SORCS1: variants seen among roughly 807,000 people sequenced by gnomAD.
SORCS1 encodes the protein sortilin related VPS10 domain containing receptor 1.
A neutral mutation model predicts 146.1 loss-of-function variants in SORCS1; 60 were observed. That is an observed-to-expected ratio of 0.41 (90% CI 0.33 to 0.51). The LOEUF is 0.51. Among genes scored for constraint, SORCS1 ranks in the 20% least tolerant of loss-of-function variants. The pLI is 0.21. For synonymous variants in SORCS1, 637 were observed against 584.0 expected (o/e 1.09, Z -1.31); for missense variants, 1,352 against 1,487.6 (o/e 0.91, Z 1.50).
At chr10:106,660,024 C>T (rs1217059543) in intron 17 of SORCS1, among the ~76,000 whole-genome samples, 1 of 152,088 alleles carries the variant, frequency 6.6e-6, no homozygotes, top group East Asian at 1.9e-4. Context: ...CAAGTGATTG[C>T]CTTTTTGTGG....
At chr10:107,084,261 AAT>A (rs1491226702) in intron 1 of SORCS1, among the ~76,000 whole-genome samples, 2 of 142,384 alleles carry the variant, frequency 1.4e-5, no homozygotes, top group African/African-American at 5.6e-5. Flanking sequence ...ATACCCGGCT[AAT>A]TTTTTTTTTT....
intron 24 of SORCS1, among the ~76,000 whole-genome samples, chr10:106,594,071 T>C (rs1235704612): frequency 6.6e-6 from 1 of 152,234 alleles, no homozygotes. Flanking sequence ...CCTTCCCACA[T>C]GGAGCTATAA....
chr10:107,045,849 C>G (rs1959346173), intron 1 of SORCS1, among the ~76,000 whole-genome samples: 2 of 144,570 alleles, frequency 1.4e-5, no homozygotes, highest in African/African-American at 5.1e-5. Context: ...AGTGGCATAA[C>G]AACAGTGTAC....
chr10:106,716,309 G>C (rs1420406013), intron 6 of SORCS1, among the ~76,000 whole-genome samples: 1 of 152,122 alleles, frequency 6.6e-6, no homozygotes, highest in Admixed American at 6.5e-5. Context: ...CTAGGTCCTA[G>C]TTCCATCTCC....
chr10:106,778,478 C>T lies in SORCS1; in HGVS notation c.727-1786G>A, dbSNP rs898274188. Among the ~76,000 whole-genome samples the T allele has an allele frequency of 3.9e-5, 6 of 152,020 alleles. No homozygotes were observed. In the South Asian group the frequency reaches 6.2e-4, roughly 16 times the overall value. The stretch of plus-strand genomic sequence containing the variant: ...CGACAAGGAGCCATCAGGTAATCTA[C>T]GAAGTATAAACTCATATGGCTTCAT... On this transcript the variant is annotated intron_variant, in intron 3 of 25. Transcript: ENST00000263054.
chr10:107,085,398 T>C (rs1438479267), intron 1 of SORCS1, among the ~76,000 whole-genome samples: 1 of 152,238 alleles, frequency 6.6e-6, no homozygotes, highest in African/African-American at 2.4e-5. Flanking sequence ...CTGAAAATGG[T>C]TAGTTTTATG....
chr10:106,810,990 G>T (rs1167341733), intron 3 of SORCS1, among the ~76,000 whole-genome samples: 3 of 151,482 alleles, frequency 2.0e-5, no homozygotes, highest in Admixed American at 1.3e-4. Flanking sequence ...GCCCAGGCTG[G>T]AGTGCAGCGG....
chr10:106,634,597 C>A (rs1043005366), intron 18 of SORCS1, among the ~76,000 whole-genome samples: 2 of 152,164 alleles, frequency 1.3e-5, no homozygotes, highest in African/African-American at 4.8e-5. Flanking sequence ...TTCTTTCAGA[C>A]CAAGAGGAAG....
At position 106,838,038 on chromosome 10, in the gene SORCS1, C is replaced by T. The variant is rs921258041; in HGVS notation, c.627-8365G>A. Reference sequence around the variant, plus strand: ...GATGTCTTCCTAGCACTCAGAACAGCGCCCTGGGCACAGTAGGCACTATTT... The same window carrying T: ...GATGTCTTCCTAGCACTCAGAACAGTGCCCTGGGCACAGTAGGCACTATTT... On this transcript the variant is annotated intron_variant, in intron 2 of 25. Transcript: ENST00000263054. Among the ~76,000 whole-genome samples, 7 of 152,158 alleles carry T rather than the reference C, an allele frequency of 4.6e-5. No individual in the cohort carries two copies. In the South Asian group the frequency reaches 1.2e-3, roughly 27 times the overall value.
At chr10:106,945,412 T>C (rs970991712) in intron 2 of SORCS1, among the ~76,000 whole-genome samples, 35 of 152,188 alleles carry the variant, frequency 2.3e-4, no homozygotes, top group Non-Finnish European at 1.8e-4. Context: ...TGATTGCTTA[T>C]TAAGCTTAAA....
chr10:106,930,589 C>A (rs1490435865), intron 2 of SORCS1, among the ~76,000 whole-genome samples: 1 of 152,152 alleles, frequency 6.6e-6, no homozygotes, highest in Non-Finnish European at 1.5e-5. Context: ...AAGAAAATAG[C>A]CAGCTCACAG....
At chr10:106,739,900 G>T (rs934090811) in intron 5 of SORCS1, among the ~76,000 whole-genome samples, 1 of 149,582 alleles carries the variant, frequency 6.7e-6, no homozygotes, top group South Asian at 2.1e-4. Context: ...GCAATGAGCT[G>T]AGATCACGCC....
intron 1 of SORCS1, among the ~76,000 whole-genome samples, chr10:107,044,781 C>T (rs574330784): frequency 2.1e-4 from 31 of 145,450 alleles, no homozygotes; most frequent in African/African-American, 8.0e-4. Context: ...CATTGCATTC[C>T]AGCCTGGGAG....
chr10:107,006,172 A>T (rs1957434264), intron 1 of SORCS1, among the ~76,000 whole-genome samples: 1 of 152,190 alleles, frequency 6.6e-6, no homozygotes, highest in Admixed American at 6.5e-5. Context: ...ATATACCATA[A>T]ACCCTATTCT....
the SORCS1 span, among the ~76,000 whole-genome samples, chr10:107,177,680 G>T: frequency 6.6e-6 from 1 of 152,244 alleles, no homozygotes. Flanking sequence ...AATATGTAAT[G>T]ATCAAATCAG....
In SORCS1 at chr10:106,844,299, G is replaced by A. The variant is rs1022780975; in HGVS notation, c.627-14626C>T. 2.0e-5 allele frequency among the ~76,000 whole-genome samples: 3 copies of A among 151,952 alleles called. No individual in the cohort carries two copies. The East Asian group carries it at 5.8e-4, about 29-fold the overall frequency. On this transcript the variant is annotated intron_variant, in intron 2 of 25. Coordinates refer to ENST00000263054, the MANE Select transcript of SORCS1 (RefSeq NM_052918.5). ...ATTGTGATGATTGTTTCTTTGCTAT[G>A]CAGAAACTTTTTTGATTAATATATT...
At chr10:106,843,814 C>A (rs1416071668) in intron 2 of SORCS1, among the ~76,000 whole-genome samples, 1 of 152,154 alleles carries the variant, frequency 6.6e-6, no homozygotes, top group African/African-American at 2.4e-5. Flanking sequence ...TTCTCAGACA[C>A]TTAGGTTGTT....
intron 1 of SORCS1, among the ~76,000 whole-genome samples, chr10:107,077,711 G>A (rs911527328): frequency 6.6e-6 from 1 of 151,688 alleles, no homozygotes; most frequent in African/African-American, 2.4e-5. Flanking sequence ...ATGAAACACA[G>A]AAGCAGTTCT....
At chr10:106,710,544 T>A (rs1564885337) in intron 6 of SORCS1, among the ~76,000 whole-genome samples, 1 of 151,838 alleles carries the variant, frequency 6.6e-6, no homozygotes, top group Non-Finnish European at 1.5e-5. Flanking sequence ...TGGTGATAAA[T>A]ACAACATCAG....
Sources: allele counts gnomAD v4.1 joint callset (sites outside exome capture counted in the v4.1 genomes callset), GRCh38; gene constraint gnomAD v4.1.1; transcripts MANE v1.5; gene names NCBI Gene and HGNC (gene_info 2026-07-23, HGNC 2026-07-21).